The following MSH3 variants were observed in gnomAD, a reference collection of about 807,000 sequenced individuals.
MSH3 encodes mutS homolog 3.
MSH3 carries 106 observed loss-of-function variants against 123.3 expected under a neutral mutation model. The ratio of observed to expected loss-of-function variants is 0.86; its 90% CI spans 0.73 to 1.01. MSH3 has a LOEUF of 1.01. Among genes scored for constraint, MSH3 ranks in the 50% least tolerant of loss-of-function variants. MSH3 has a pLI of 0.00. For synonymous variants in MSH3, 515 were observed against 481.4 expected, an observed-to-expected ratio of 1.07 and a Z score of -0.91; for missense variants, 1,459 against 1,347.6, an observed-to-expected ratio of 1.08 and a Z score of -1.29.
chr5:80,731,487 A>C (rs1318560494), intron 10 of MSH3, among the ~76,000 whole-genome samples: 1 of 151,946 alleles, frequency 6.6e-6, no homozygotes, highest in Non-Finnish European at 1.5e-5. Context: ...AGCATCCAGC[A>C]TAAGCCCAGC....
At chr5:80,690,003 C>G (rs1338122421) in intron 8 of MSH3, among the ~76,000 whole-genome samples, 1 of 152,084 alleles carries the variant, frequency 6.6e-6, no homozygotes, top group Admixed American at 6.6e-5. Flanking sequence ...CCTCTCACTT[C>G]AGCCTCCTGA....
intron 16 of MSH3, among the ~76,000 whole-genome samples, chr5:80,776,928 A>ATATT (rs71640414): frequency 0.017 from 2,405 of 139,336 alleles, 46 homozygotes; most frequent in Admixed American, 0.054. Flanking sequence ...ATATATATAT[A>ATATT]TTTTTTTTTT....
chr5:80,780,624 T>C (rs2112010585), intron 17 of MSH3, among the ~76,000 whole-genome samples: 1 of 152,268 alleles, frequency 6.6e-6, no homozygotes, highest in African/African-American at 2.4e-5. Flanking sequence ...CCCAGCAGTT[T>C]GGGAGGCTGA....
chr5:80,813,427 A>T (rs973901582), intron 19 of MSH3, among the ~76,000 whole-genome samples, 157 bp from the exon 20 acceptor site: 3 of 152,252 alleles, frequency 2.0e-5, no homozygotes, highest in Non-Finnish European at 2.9e-5. Flanking sequence ...CTGCAGTATC[A>T]CACAGTTCAG....
At chr5:80,745,001 C>G (rs1650353509) in intron 12 of MSH3, among the ~76,000 whole-genome samples, 1 of 152,080 alleles carries the variant, frequency 6.6e-6, no homozygotes, top group Admixed American at 6.5e-5. Flanking sequence ...GTGGTGGGAT[C>G]AAGTTAGCAA....
intron 12 of MSH3, among the ~76,000 whole-genome samples, chr5:80,750,508 T>C (rs73123392): frequency 0.016 from 2,432 of 152,004 alleles, 56 homozygotes; most frequent in African/African-American, 0.055. Context: ...CATTTATCTA[T>C]TGGCCATTTG....
At chr5:80,768,532 T>A (rs1744163470) in intron 14 of MSH3, among the ~76,000 whole-genome samples, 1 of 152,162 alleles carries the variant, frequency 6.6e-6, no homozygotes, top group Non-Finnish European at 1.5e-5. Flanking sequence ...CAAAACATTC[T>A]ATGTAAATGA....
chr5:80,665,094 T>G, intron 2 of MSH3, 49 bp from the exon 3 acceptor site: 4 of 1,473,552 alleles, frequency 2.7e-6, no homozygotes, highest in African/African-American at 1.4e-5. Flanking sequence ...ATTGACATAA[T>G]GAGACCAAAA....
At chr5:80,733,279 A>G (rs1222444306) in intron 10 of MSH3, among the ~76,000 whole-genome samples, 1 of 152,176 alleles carries the variant, frequency 6.6e-6, no homozygotes, top group Admixed American at 6.5e-5. Flanking sequence ...TGTCTGTGCA[A>G]GAGAATGAAG....
chr5:80,748,848 TG>T (rs1040776049), intron 12 of MSH3, among the ~76,000 whole-genome samples: 6 of 152,084 alleles, frequency 3.9e-5, no homozygotes, highest in African/African-American at 1.2e-4. Flanking sequence ...CCAGACTCAT[TG>T]GTGGGTTATG....
intron 8 of MSH3, among the ~76,000 whole-genome samples, chr5:80,696,942 T>C (rs919476528): frequency 6.6e-6 from 1 of 152,212 alleles, no homozygotes; most frequent in African/African-American, 2.4e-5. Context: ...AAAAAACTGC[T>C]TTTAATATTT....
At chr5:80,681,272 A>G in intron 8 of MSH3, among the ~76,000 whole-genome samples, 1 of 152,146 alleles carries the variant, frequency 6.6e-6, no homozygotes, top group Non-Finnish European at 1.5e-5. Flanking sequence ...CTTTTACAGA[A>G]CTAAAAAAAT....
At chr5:80,755,952 C>G (rs1204838912) in intron 12 of MSH3, among the ~76,000 whole-genome samples, 1 of 152,144 alleles carries the variant, frequency 6.6e-6, no homozygotes, top group East Asian at 1.9e-4. Flanking sequence ...AATTTATACT[C>G]TGTGTGGTCT....
chr5:80,818,861 G>A (rs1745151529), intron 20 of MSH3, among the ~76,000 whole-genome samples: 1 of 152,096 alleles, frequency 6.6e-6, no homozygotes, highest in Admixed American at 6.5e-5. Flanking sequence ...TTTCTTTATT[G>A]TACATCTTTG....
rs372435008 is a variant in MSH3 at position 80,778,677 on chromosome 5, T to G, written c.2319-43T>G. 5 of 1,169,004 alleles carry G rather than the reference T, an allele frequency of 4.3e-6. No homozygotes were observed. In the African/African-American group the frequency reaches 7.5e-5, roughly 18 times the overall value. 72.4% of individuals were successfully genotyped at this position (1,169,004 alleles called of 1,614,324 possible). ...TAAAGTGATGGCATTTCGGATTTTT[T>G]ACTAACCTTGATTTCCTATTTGTGT... On this transcript the variant is annotated intron_variant, in intron 16 of 23. Transcript: ENST00000265081.
chr5:80,744,337 C>T (rs1387095735), intron 11 of MSH3, among the ~76,000 whole-genome samples, 169 bp from the exon 12 acceptor site: 2 of 152,134 alleles, frequency 1.3e-5, no homozygotes, highest in East Asian at 3.8e-4. Context: ...TGTAAAATGT[C>T]AGTACTTCAT....
chr5:80,866,909 T>C (rs1242405246), intron 22 of MSH3, among the ~76,000 whole-genome samples: 4 of 152,228 alleles, frequency 2.6e-5, no homozygotes, highest in Admixed American at 2.0e-4. Context: ...TAGCTGAATC[T>C]TCCTGTACCC....
chr5:80,827,633 A>G lies in MSH3; in HGVS notation c.2813+13892A>G, dbSNP rs947651395. ...TGTTATGATTTTATTGGCATTAAAA[A>G]TGTCATCTTATCAATATCTCTGTGC... On this transcript the variant is annotated intron_variant, in intron 20 of 23. Coordinates refer to ENST00000265081, the MANE Select transcript of MSH3 (RefSeq NM_002439.5). Among the ~76,000 whole-genome samples the G allele has an allele frequency of 2.0e-5, 3 of 152,242 alleles. No homozygotes were observed. In the East Asian group the frequency reaches 5.8e-4, roughly 29 times the overall value.
chr5:80,825,755 T>C (rs1169449771), intron 20 of MSH3, among the ~76,000 whole-genome samples: 1 of 152,250 alleles, frequency 6.6e-6, no homozygotes, highest in Non-Finnish European at 1.5e-5. Context: ...TATTTCTATA[T>C]ATTCTCCAAA....
Sources: gnomAD v4.1 joint callset for allele counts (sites outside exome capture counted in the v4.1 genomes callset) on GRCh38, gnomAD v4.1.1 for gene constraint, MANE v1.5 for transcripts, NCBI Gene and HGNC (gene_info 2026-07-23, HGNC 2026-07-21) for gene names.